Variants in ANKRD30B observed in about 807,000 individuals in gnomAD.
ANKRD30B encodes the protein ankyrin repeat domain 30B.
A neutral mutation model predicts 202.2 loss-of-function variants in ANKRD30B; 144 were observed. The ratio of observed to expected loss-of-function variants is 0.71; its 90% CI spans 0.62 to 0.82. The LOEUF is 0.82. ANKRD30B is among the 40% of genes least tolerant of loss of function. The pLI, the probability that ANKRD30B is intolerant of heterozygous loss-of-function variation, is 0.00. For synonymous variants in ANKRD30B, 508 were observed against 561.3 expected (o/e 0.91, Z 1.34); for missense variants, 1,487 against 1,669.1 (o/e 0.89, Z 1.90).
chr18:14,805,387 T>A (rs1969446569), intron 24 of ANKRD30B, among the ~76,000 whole-genome samples: 1 of 151,044 alleles, frequency 6.6e-6, no homozygotes, highest in South Asian at 2.1e-4. Flanking sequence ...GCCAATTAAA[T>A]TTGCTGTTCC....
chr18:14,856,154 GGAC>G (rs1972102214), downstream of ANKRD30B, among the ~76,000 whole-genome samples: 1 of 143,512 alleles, frequency 7.0e-6, no homozygotes, highest in Non-Finnish European at 1.5e-5. Context: ...TTCCCAGATG[GGAC>G]GGCCAGGCAG....
At chr18:14,882,033 A>T in the ANKRD30B span, among the ~76,000 whole-genome samples, 1 of 151,772 alleles carries the variant, frequency 6.6e-6, no homozygotes, top group African/African-American at 2.4e-5. Flanking sequence ...TATCGATTTT[A>T]TTTATCTTTT....
intron 41 of ANKRD30B, among the ~76,000 whole-genome samples, chr18:14,851,234 A>G (rs377004470): frequency 1.3e-3 from 172 of 134,372 alleles, no homozygotes; most frequent in African/African-American, 4.4e-3. Flanking sequence ...TAATTCAGGG[A>G]AAGTTTTTTT....
intron 15 of ANKRD30B, among the ~76,000 whole-genome samples, chr18:14,789,100 G>A (rs1293512557): frequency 6.6e-6 from 1 of 152,098 alleles, no homozygotes. Flanking sequence ...ACTGGTGTGA[G>A]ATGGTATCTC....
At chr18:14,773,993 A>C (rs1967192124) in intron 9 of ANKRD30B, among the ~76,000 whole-genome samples, 1 of 152,156 alleles carries the variant, frequency 6.6e-6, no homozygotes, top group Non-Finnish European at 1.5e-5. Flanking sequence ...CAAGGAATAC[A>C]TTACTCTAAA....
chr18:14,860,487 C>A, the ANKRD30B span, among the ~76,000 whole-genome samples: 1 of 142,618 alleles, frequency 7.0e-6, no homozygotes, highest in Non-Finnish European at 1.5e-5. Flanking sequence ...GCACTCCTCA[C>A]CTCCCAGATG....
the ANKRD30B span, among the ~76,000 whole-genome samples, chr18:14,923,260 G>A: frequency 1.3e-5 from 2 of 152,162 alleles, no homozygotes; most frequent in African/African-American, 4.8e-5. Flanking sequence ...GCCTGCCCGG[G>A]GTCAAAGGGA....
the ANKRD30B span, among the ~76,000 whole-genome samples, chr18:14,893,051 T>C: frequency 6.6e-6 from 1 of 152,214 alleles, no homozygotes; most frequent in Non-Finnish European, 1.5e-5. Context: ...TATACTTATA[T>C]TCTTAATTGC....
chr18:14,940,481 G>A, the ANKRD30B span, among the ~76,000 whole-genome samples: 2 of 152,206 alleles, frequency 1.3e-5, no homozygotes, highest in Admixed American at 1.3e-4. Context: ...GGAGGGAACA[G>A]CAGCGTGGAA....
In ANKRD30B at chr18:14,850,244, A is replaced by T. The variant is rs772702795; in HGVS notation, c.3426A>T (p.Arg1142Ser). 1.9e-6 allele frequency: 3 copies of T among 1,576,790 alleles called. No homozygotes were observed. The highest frequency in any genetic ancestry group is 2.6e-6 in the Non-Finnish European group (3 of 1,166,270). ...RLTLNQEEEKRRNVDILKEKI... is the reference protein window; with the variant it reads ...RLTLNQEEEKSRNVDILKEKI... Reference sequence around the variant, plus strand: ...CTTTAAATCAAGAAGAAGAGAAGAGAAGAAATGTCGATATATTAAAAGAAA... The same window carrying T: ...CTTTAAATCAAGAAGAAGAGAAGAGTAGAAATGTCGATATATTAAAAGAAA... Residue 1142 changes from arginine (R) to serine (S), a missense_variant, in exon 41 of 44, where the codon AGA (arginine) becomes AGT (serine). Physicochemically the swap from Arg to Ser is moderately radical, Grantham distance 110 (BLOSUM62 -1). Around this residue, in one of 6 missense-constraint regions of ANKRD30B, gnomAD observed 177 missense variants for 216.4 expected, o/e 0.82. Coordinates refer to ENST00000690538, the MANE Select transcript of ANKRD30B (RefSeq NM_001367607.2).
intron 15 of ANKRD30B, among the ~76,000 whole-genome samples, chr18:14,789,568 T>G (rs1968324096): frequency 6.6e-6 from 1 of 152,228 alleles, no homozygotes; most frequent in South Asian, 2.1e-4. Context: ...ACTTTTTGTA[T>G]AAGGTGTAAG....
At chr18:14,831,201 C>T (rs868754077) in intron 33 of ANKRD30B, among the ~76,000 whole-genome samples, 182 bp from the exon 34 acceptor site, 7 of 70,628 alleles carry the variant, frequency 9.9e-5, no homozygotes, top group Non-Finnish European at 1.5e-4. Context: ...AAAAAAAAAA[C>T]GAAAACCAGA....
chr18:14,862,696 C>T, the ANKRD30B span, among the ~76,000 whole-genome samples: 2 of 152,160 alleles, frequency 1.3e-5, no homozygotes, highest in African/African-American at 4.8e-5. Flanking sequence ...ATGGTAGAGC[C>T]ACGGGAAGCT....
In ANKRD30B at chr18:14,789,459, C is replaced by T. The variant is rs1968317335; in HGVS notation, c.1735-1942C>T. Among the ~76,000 whole-genome samples, 7 of 152,154 alleles carry T rather than the reference C, an allele frequency of 4.6e-5. No homozygotes were observed. In the South Asian group the frequency reaches 1.5e-3, roughly 32 times the overall value. ...CTTTTGGTGTTTTAGACATGAAGTC[C>T]TTGCCCATGCCTATGTCCTGAATGG... On this transcript the variant is annotated intron_variant, in intron 15 of 43. Coordinates refer to ENST00000690538, the MANE Select transcript of ANKRD30B (RefSeq NM_001367607.2).
chr18:14,913,962 CTGTTTTATAGG>C, the ANKRD30B span, among the ~76,000 whole-genome samples: 1 of 152,108 alleles, frequency 6.6e-6, no homozygotes, highest in Non-Finnish European at 1.5e-5. Flanking sequence ...AATTTTGTTC[CTGTTTTATAGG>C]TGAGAAAATT....
At chr18:14,823,638 G>C (rs1970546556) in intron 32 of ANKRD30B, among the ~76,000 whole-genome samples, 1 of 152,058 alleles carries the variant, frequency 6.6e-6, no homozygotes, top group Non-Finnish European at 1.5e-5. Flanking sequence ...GTACAAAACA[G>C]CCTGAATTAG....
chr18:14,767,332 T>TA (rs1435432387), intron 7 of ANKRD30B, among the ~76,000 whole-genome samples: 1 of 152,214 alleles, frequency 6.6e-6, no homozygotes, highest in Non-Finnish European at 1.5e-5. Flanking sequence ...TGAAACCCTA[T>TA]ATATACATGT....
chr18:14,883,829 G>T, the ANKRD30B span: 1 of 239,644 alleles, frequency 4.2e-6, no homozygotes, highest in Non-Finnish European at 6.8e-6. Context: ...ATTATCCTGT[G>T]TAGGAATGGA....
At chr18:14,907,088 C>T in the ANKRD30B span, among the ~76,000 whole-genome samples, 1 of 152,170 alleles carries the variant, frequency 6.6e-6, no homozygotes, top group Non-Finnish European at 1.5e-5. Context: ...AGGCAGTAGG[C>T]TTTAGAGAGA....
Sources: gnomAD v4.1 joint callset for allele counts (sites outside exome capture counted in the v4.1 genomes callset) on GRCh38, gnomAD v4.1.1 for gene constraint, gnomAD v4.1.1 regional missense constraint, MANE v1.5 for transcripts, NCBI Gene and HGNC (gene_info 2026-07-23, HGNC 2026-07-21) for gene names.